Variants in TRAFD1 observed in about 807,000 individuals in gnomAD.
TRAFD1 encodes the protein TRAF-type zinc finger domain containing 1.
A neutral mutation model predicts 65.3 loss-of-function variants in TRAFD1; 38 were observed. The observed-to-expected ratio is 0.58, with a 90% confidence interval of 0.45 to 0.76. The LOEUF (loss-of-function observed/expected upper bound fraction) is 0.76, where lower values mean the gene tolerates loss of function less well. TRAFD1 is among the 30% of genes least tolerant of loss of function. The pLI, the probability that TRAFD1 is intolerant of heterozygous loss-of-function variation, is 0.00. For missense variants in TRAFD1, 631 were observed against 712.6 expected, an observed-to-expected ratio of 0.89 and a Z score of 1.30; for synonymous variants, 223 against 257.2, an observed-to-expected ratio of 0.87 and a Z score of 1.27.
At chr12:112,134,985 A>AT in intron 3 of TRAFD1, 28 bp from the exon 4 acceptor site, 1 of 1,614,186 alleles carries the variant, frequency 6.2e-7, no homozygotes, top group Non-Finnish European at 8.5e-7. Context: ...CCCAAAGCCA[A>AT]TTTACTGATT....
chr12:112,152,788 G>GT lies in TRAFD1; in HGVS notation c.1747dup (p.Ter583LeufsTer39). 6.2e-7 allele frequency: 1 copy of GT among 1,614,154 alleles called. No individual in the cohort carries two copies. Among genetic ancestry groups the GT allele is most frequent in the Middle Eastern group, 1.7e-4 (1 of 6,042 alleles). On this transcript the variant is annotated frameshift_variant, in exon 12 of 12. Transcript: ENST00000412615. LOFTEE classifies it high-confidence loss of function. This position sits in a 1 kb window ranked among gnomAD's most constrained non-coding sequence, Gnocchi z 5.0. ...GGGATGCAGAAGAGGAAGAGGAGGA[G>GT]TAATGGTGTCTCCAGAGACTTTACA...
chr12:112,134,347 C>G (rs1006100993), intron 2 of TRAFD1, among the ~76,000 whole-genome samples: 1 of 146,202 alleles, frequency 6.8e-6, no homozygotes, highest in African/African-American at 2.6e-5. Flanking sequence ...CCTCTGCCTC[C>G]TGGGTTCAAG....
Position 112,140,971 on chromosome 12 carries a change from TCAC to T in TRAFD1, c.392_394del (p.His131del). The T allele has an allele frequency of 6.2e-7, 1 of 1,614,202 alleles. No homozygotes were observed. The highest frequency in any genetic ancestry group is 1.1e-5 in the South Asian group (1 of 91,088). On this transcript the variant is annotated inframe_deletion, in exon 5 of 12. Coordinates refer to ENST00000412615, the MANE Select transcript of TRAFD1 (RefSeq NM_006700.3). ...ATGTCCTTGTGAAAGATCTGAAGAC[TCAC>T]CCTGAAGTTTGTGGGAGAGAGGGGG...
chr12:112,129,193 A>AT (rs56949881), intron 1 of TRAFD1, among the ~76,000 whole-genome samples: 5,727 of 81,362 alleles, frequency 0.07, 545 homozygotes, highest in South Asian at 0.22. Flanking sequence ...TGGGATGGTG[A>AT]TTTTTTTTTT....
At chr12:112,139,665 T>G (rs1183024999) in intron 4 of TRAFD1, among the ~76,000 whole-genome samples, 1 of 152,312 alleles carries the variant, frequency 6.6e-6, no homozygotes, top group African/African-American at 2.4e-5. Flanking sequence ...TCAGGTGATC[T>G]GCCTGCCTTG....
rs2030470618 is a variant in TRAFD1 at position 112,153,573 on chromosome 12, G to A, written c.*782G>A. The A allele has an allele frequency of 6.6e-6, 1 of 152,166 alleles. No individual in the cohort carries two copies. The highest frequency in any genetic ancestry group is 6.6e-5 in the Admixed American group (1 of 15,266). 9.4% of individuals were successfully genotyped at this position (152,166 alleles called of 1,614,324 possible). A position where few individuals can be genotyped will look rare whatever the true frequency, so the allele number is the denominator to read the frequency against. ...TGTTATAATAATTATTAACTTCCTT[G>A]TAATAGAAATAAAGTTTGTACTTGG... On this transcript the variant is annotated 3_prime_UTR_variant, in exon 12 of 12. Coordinates refer to ENST00000412615, the MANE Select transcript of TRAFD1 (RefSeq NM_006700.3).
At chr12:112,128,770 C>A (rs1794197272) in intron 1 of TRAFD1, among the ~76,000 whole-genome samples, 1 of 152,114 alleles carries the variant, frequency 6.6e-6, no homozygotes, top group African/African-American at 2.4e-5. Context: ...GGCACGGTGA[C>A]TCATGCCTGT....
At chr12:112,136,631 C>T (rs975912270) in intron 4 of TRAFD1, among the ~76,000 whole-genome samples, 2 of 152,120 alleles carry the variant, frequency 1.3e-5, no homozygotes, top group African/African-American at 4.8e-5. Context: ...CACAGTCTCA[C>T]TCTGTCACCC....
rs1024572726 is a variant in TRAFD1 at position 112,130,279 on chromosome 12, A to G, written c.-12-232A>G. Among the ~76,000 whole-genome samples the G allele has an allele frequency of 6.6e-6, 1 of 152,076 alleles. No individual in the cohort carries two copies. Among genetic ancestry groups the G allele is most frequent in the African/African-American group, 2.4e-5 (1 of 41,426 alleles). On this transcript the variant is annotated intron_variant, in intron 1 of 11. Transcript: ENST00000412615. This position sits in a 1 kb window ranked among gnomAD's most constrained non-coding sequence, Gnocchi z 4.4. Reference sequence around the variant, plus strand: ...GAGCCACTGTACCCAGCCTAGTAAAAGTATTTTATTTTATTATTTTTATTT... The same window carrying G: ...GAGCCACTGTACCCAGCCTAGTAAAGGTATTTTATTTTATTATTTTTATTT...
intron 1 of TRAFD1, among the ~76,000 whole-genome samples, chr12:112,129,994 G>C (rs765634065): frequency 6.6e-6 from 1 of 151,762 alleles, no homozygotes; most frequent in East Asian, 1.9e-4. Flanking sequence ...CTGTCACCCA[G>C]GCTGGAGTGC....
Position 112,140,808 on chromosome 12 carries a change from CTG to C in TRAFD1, c.238-9_238-8del. 1 of 1,612,308 alleles carries C rather than the reference CTG, an allele frequency of 6.2e-7. No homozygotes were observed. The highest frequency in any genetic ancestry group is 8.5e-7 in the Non-Finnish European group (1 of 1,178,472). ...TATGCATATTAACTGCCTCATTCCT[CTG>C]TTTTGTAGGAGACTGAGTGCCCTTT... is the stretch of plus-strand genomic sequence containing the variant. On this transcript the variant is annotated splice_polypyrimidine_tract_variant and intron_variant, in intron 4 of 11. Coordinates refer to ENST00000412615, the MANE Select transcript of TRAFD1 (RefSeq NM_006700.3).
intron 4 of TRAFD1, among the ~76,000 whole-genome samples, chr12:112,138,234 T>A (rs992151465): frequency 1.3e-5 from 2 of 151,832 alleles, no homozygotes; most frequent in Non-Finnish European, 1.5e-5. Flanking sequence ...AGTAAGACCC[T>A]GTTTCAAAAA....
intron 6 of TRAFD1, among the ~76,000 whole-genome samples, chr12:112,145,008 C>G (rs1245708498): frequency 2.6e-5 from 4 of 152,168 alleles, no homozygotes; most frequent in African/African-American, 4.8e-5. Context: ...GAACTAAAAT[C>G]TAGATGGGTA....
rs779037815 is a variant in TRAFD1, at chr12:112,142,155, G to A, written c.710G>A (p.Ser237Asn). 8 of 1,613,896 alleles carry A rather than the reference G, an allele frequency of 5.0e-6. No homozygotes were observed. In the South Asian group the frequency reaches 8.8e-5, roughly 18 times the overall value. Residue 237 changes from serine (S) to asparagine (N), a missense_variant, in exon 6 of 12, where the codon AGT (serine) becomes AAT (asparagine). Coordinates refer to ENST00000412615, the MANE Select transcript of TRAFD1 (RefSeq NM_006700.3). Reference protein sequence around the residue: ...QQPPKEGGEESANLDFMLALS... With the variant: ...QQPPKEGGEENANLDFMLALS... ...CCCCCCAAAGAGGGTGGTGAAGAGA[G>A]TGCAAACTTGGACTTCATGTTGGCC...
chr12:112,148,866 T>C (rs948997700), intron 8 of TRAFD1, among the ~76,000 whole-genome samples: 3 of 152,226 alleles, frequency 2.0e-5, no homozygotes, highest in East Asian at 3.8e-4. Flanking sequence ...ATTTCTGTAG[T>C]TGATGCCATG....
chr12:112,152,853 T>A lies in TRAFD1; in HGVS notation c.*62T>A. 6.3e-7 allele frequency: 1 copy of A among 1,585,516 alleles called. No individual in the cohort carries two copies. The highest frequency in any genetic ancestry group is 2.2e-5 in the East Asian group (1 of 44,658). On this transcript the variant is annotated 3_prime_UTR_variant, in exon 12 of 12. Transcript: ENST00000412615. The surrounding 1 kb of genome is among the most constrained non-coding windows in gnomAD (Gnocchi z 5.0). ...CTGTGCACAGCAGCACTTGCCGCTG[T>A]GCAGGCCCACCTCTTTGGCTCTTTG...
chr12:112,149,657 C>G, intron 8 of TRAFD1, 94 bp from the exon 9 acceptor site: 1 of 1,531,200 alleles, frequency 6.5e-7, no homozygotes, highest in Admixed American at 1.9e-5. Flanking sequence ...AAGTCCCCCT[C>G]CAGATGAGGA....
Position 112,149,861 on chromosome 12 carries a change from C to G in TRAFD1, c.1269C>G (p.Val423=). The change falls in exon 9 of 12, where the codon GTC becomes GTG. Residue 423 remains valine, a synonymous_variant. Transcript: ENST00000412615. Reference sequence around the variant, plus strand: ...CACCAGAGCTGCCCAGGAGGCGTGTCAGACACCAGGGTATTTATTAGCCAG... The same window carrying G: ...CACCAGAGCTGCCCAGGAGGCGTGTGAGACACCAGGGTATTTATTAGCCAG... ...ETSPELPRRR[V]RHQGDLSSGY... 6.2e-7 allele frequency: 1 copy of G among 1,614,116 alleles called. No individual in the cohort carries two copies. Among genetic ancestry groups the G allele is most frequent in the Non-Finnish European group, 8.5e-7 (1 of 1,179,978 alleles).
chr12:112,150,732 T>A (rs561556368), intron 9 of TRAFD1, among the ~76,000 whole-genome samples: 12 of 151,620 alleles, frequency 7.9e-5, no homozygotes, highest in African/African-American at 2.7e-4. Context: ...AGCTAATTTT[T>A]AATTTTTTTT....
Sources: gnomAD v4.1 joint callset for allele counts (sites outside exome capture counted in the v4.1 genomes callset) on GRCh38, gnomAD v4.1.1 for gene constraint, Gnocchi (gnomAD v3.1) non-coding constraint, MANE v1.5 for transcripts, NCBI Gene and HGNC (gene_info 2026-07-23, HGNC 2026-07-21) for gene names.